MYO9A: variants seen among roughly 807,000 people sequenced by gnomAD.
MYO9A encodes unconventional myosin-IXa.
Under a neutral mutation model 293.3 loss-of-function variants are expected in MYO9A, and 103 were observed. That is an observed-to-expected ratio of 0.35 (90% CI 0.30 to 0.41). The LOEUF (loss-of-function observed/expected upper bound fraction) is 0.41. Ranked by LOEUF, MYO9A falls within the 10% of genes least tolerant of loss-of-function variation. The pLI, the probability that MYO9A is intolerant of heterozygous loss-of-function variation, is 1.00. For synonymous variants in MYO9A, 1,001 were observed against 1,035.7 expected, an observed-to-expected ratio of 0.97 and a Z score of 0.64; for missense variants, 2,685 against 3,033.0, an observed-to-expected ratio of 0.89 and a Z score of 2.69.
chr15:71,962,743 T>A (rs945271962), intron 13 of MYO9A, among the ~76,000 whole-genome samples: 2 of 152,212 alleles, frequency 1.3e-5, no homozygotes, highest in Non-Finnish European at 2.9e-5. Context: ...AGACAATAAG[T>A]ACCAGTGCAG....
chr15:72,015,683 G>GTTTT (rs10708457), intron 6 of MYO9A, among the ~76,000 whole-genome samples: 17 of 113,476 alleles, frequency 1.5e-4, no homozygotes, highest in Non-Finnish European at 2.6e-4. Flanking sequence ...CTCAGATCAG[G>GTTTT]TTTTTTTTTT....
At chr15:71,867,075 A>AACACACAC (rs35264363) in intron 32 of MYO9A, among the ~76,000 whole-genome samples, 37 of 148,098 alleles carry the variant, frequency 2.5e-4, no homozygotes, top group African/African-American at 8.7e-4. Context: ...CAAAAAACAA[A>AACACACAC]ACACACACAC....
chr15:71,961,938 G>A (rs917213739), intron 13 of MYO9A, among the ~76,000 whole-genome samples: 31 of 151,860 alleles, frequency 2.0e-4, no homozygotes. Flanking sequence ...TGCCCAGGCT[G>A]GTCTTGAACT....
chr15:71,960,130 A>G lies in MYO9A; in HGVS notation c.1987-34T>C, dbSNP rs956714365. The G allele has an allele frequency of 9.4e-6, 14 of 1,496,192 alleles. No homozygotes were observed. In the African/African-American group the frequency reaches 9.7e-5, roughly 10 times the overall value. The allele number at this position is 1,496,192 out of a possible 1,614,324, so 92.7% of individuals were successfully genotyped here. On this transcript the variant is annotated intron_variant, in intron 13 of 41. Transcript: ENST00000356056. ...AAAAAGTACCAGTGTTACTTATGGG[A>G]AAAAAAAATTATGAAAAACAAGATG...
intron 29 of MYO9A, 45 bp from the exon 30 acceptor site, chr15:71,879,882 A>C: frequency 1.5e-6 from 2 of 1,290,720 alleles, no homozygotes; most frequent in Non-Finnish European, 2.2e-6. Flanking sequence ...AACTAATTGA[A>C]AAGAAGTAAA....
intron 16 of MYO9A, among the ~76,000 whole-genome samples, chr15:71,935,932 T>A (rs200186516): frequency 4.5e-5 from 5 of 110,264 alleles, no homozygotes; most frequent in Admixed American, 1.8e-4. Flanking sequence ...ACACACACAC[T>A]CACTACTCAC....
In MYO9A at chr15:71,910,807, A is replaced by G. The variant is rs370455088; in HGVS notation, c.2685+5563T>C. ...ATTTGAGACTTTTGTCCATTTGTCTATTAGGTTTTCTTCCTTTTAAAACAC... is the reference window on the plus strand; with the variant it reads ...ATTTGAGACTTTTGTCCATTTGTCTGTTAGGTTTTCTTCCTTTTAAAACAC... On this transcript the variant is annotated intron_variant, in intron 19 of 41. Transcript: ENST00000356056. Among the ~76,000 whole-genome samples the G allele has an allele frequency of 3.2e-4, 48 of 152,288 alleles. 3 individuals are homozygous for G. The highest frequency in any genetic ancestry group is 1.7e-3 in the South Asian group (8 of 4,828).
At chr15:71,867,737 A>G (rs1419650468) in intron 32 of MYO9A, among the ~76,000 whole-genome samples, 1 of 151,814 alleles carries the variant, frequency 6.6e-6, no homozygotes, top group African/African-American at 2.4e-5. Context: ...ATGAAGCAAT[A>G]TTTATCAAAA....
At chr15:72,038,712 A>G (rs1490747143) in intron 2 of MYO9A, among the ~76,000 whole-genome samples, 1 of 152,228 alleles carries the variant, frequency 6.6e-6, no homozygotes, top group Non-Finnish European at 1.5e-5. Flanking sequence ...AGCCACAAAG[A>G]AGGAGCCCGT....
At chr15:72,110,150 T>C (rs2080725890) in intron 1 of MYO9A, among the ~76,000 whole-genome samples, 1 of 149,850 alleles carries the variant, frequency 6.7e-6, no homozygotes, top group African/African-American at 2.5e-5. Flanking sequence ...AAAAGGAAAT[T>C]CCAGGCCGGG....
intron 34 of MYO9A, among the ~76,000 whole-genome samples, chr15:71,858,417 C>A (rs1222642455): frequency 6.6e-6 from 1 of 151,998 alleles, no homozygotes; most frequent in African/African-American, 2.4e-5. Context: ...GCATGGAATA[C>A]TATGCAGCCA....
chr15:71,897,521 G>A lies in MYO9A; in HGVS notation c.4982C>T (p.Ser1661Phe), dbSNP rs1483498049. The A allele has an allele frequency of 1.2e-6, 2 of 1,613,970 alleles. No homozygotes were observed. Among genetic ancestry groups the A allele is most frequent in the Non-Finnish European group, 1.7e-6 (2 of 1,179,920 alleles). Residue 1661 changes from serine (S) to phenylalanine (F), a missense_variant, in exon 25 of 42, where the codon TCC (serine) becomes TTC (phenylalanine). Physicochemically the swap from Ser to Phe is radical, Grantham distance 155 (BLOSUM62 -2). Around this residue, in one of 10 missense-constraint regions of MYO9A, gnomAD observed 1,434 missense variants for 1,497.7 expected, o/e 0.96. Transcript: ENST00000356056. Reference protein sequence around the residue: ...QSYSHNSDDLSREGNARPIFF... With the variant: ...QSYSHNSDDLFREGNARPIFF... ...AATGGGCCTAGCATTTCCCTCTCTG[G>A]AAAGGTCATCAGAATTGTGGCTGTA...
intron 17 of MYO9A, among the ~76,000 whole-genome samples, chr15:71,934,433 T>C (rs922157934): frequency 1.3e-5 from 2 of 152,112 alleles, no homozygotes; most frequent in African/African-American, 4.8e-5. Flanking sequence ...AATGTATATC[T>C]CTGGGCTAGA....
intron 1 of MYO9A, among the ~76,000 whole-genome samples, chr15:72,101,989 G>T (rs1212834953): frequency 1.3e-5 from 2 of 151,816 alleles, no homozygotes; most frequent in East Asian, 3.9e-4. Flanking sequence ...TGGGAGGTGT[G>T]CCCAACAGCT....
intron 6 of MYO9A, among the ~76,000 whole-genome samples, chr15:72,014,393 T>A (rs903419689): frequency 6.6e-5 from 10 of 151,920 alleles, no homozygotes; most frequent in African/African-American, 2.4e-4. Context: ...TTTTAAGAAA[T>A]AGAGACAAGT....
intron 18 of MYO9A, among the ~76,000 whole-genome samples, chr15:71,926,445 A>T (rs2058315913): frequency 6.6e-6 from 1 of 152,184 alleles, no homozygotes; most frequent in Non-Finnish European, 1.5e-5. Context: ...ACAGTGGTTC[A>T]CACCTGTAAC....
At chr15:72,006,827 C>G (rs75438908) in intron 8 of MYO9A, among the ~76,000 whole-genome samples, 1,684 of 152,250 alleles carry the variant, frequency 0.011, 29 homozygotes, top group African/African-American at 0.038. Flanking sequence ...TGAGTGAAGT[C>G]TGCAGGATTA....
chr15:72,066,628 G>C (rs910285969), intron 1 of MYO9A, among the ~76,000 whole-genome samples: 21 of 152,160 alleles, frequency 1.4e-4, no homozygotes, highest in Non-Finnish European at 1.0e-4. Context: ...TAGCGGAGAG[G>C]AAGTTATATA....
Position 71,994,595 on chromosome 15 carries a change from A to G in MYO9A, c.1471-10T>C, listed in dbSNP as rs2148501365. 1 of 1,532,654 alleles carries G rather than the reference A, an allele frequency of 6.5e-7. No individual in the cohort carries two copies. Among genetic ancestry groups the G allele is most frequent in the South Asian group, 1.2e-5 (1 of 83,926 alleles). The allele number at this position is 1,532,654 out of a possible 1,614,324, so 94.9% of individuals were successfully genotyped here. The stretch of plus-strand genomic sequence containing the variant: ...TCCTCACTGTCACAGCCTGAAAAAC[A>G]AAAGCATTACAAGTGCATGTAGAAT... On this transcript the variant is annotated splice_polypyrimidine_tract_variant and intron_variant, in intron 9 of 41. Transcript: ENST00000356056.
Sources: allele counts gnomAD v4.1 joint callset (sites outside exome capture counted in the v4.1 genomes callset), GRCh38; gene constraint gnomAD v4.1.1; regional missense constraint gnomAD v4.1.1; transcripts MANE v1.5; gene names NCBI Gene and HGNC (gene_info 2026-07-23, HGNC 2026-07-21).